The following LTA4H variants were observed in gnomAD, a reference collection of about 807,000 sequenced individuals.
LTA4H encodes the protein leukotriene A4 hydrolase, also known as leukotriene A-4 hydrolase.
A neutral mutation model predicts 89.8 loss-of-function variants in LTA4H; 59 were observed. The ratio of observed to expected loss-of-function variants is 0.66; its 90% confidence interval spans 0.53 to 0.82. The LOEUF (loss-of-function observed/expected upper bound fraction) is 0.82, where lower values mean the gene tolerates loss of function less well. LTA4H is among the 40% of genes least tolerant of loss of function. The pLI, the probability that LTA4H is intolerant of heterozygous loss-of-function variation, is 0.00. For missense variants in LTA4H, 617 were observed against 727.0 expected, an observed-to-expected ratio of 0.85 and a Z score of 1.74; for synonymous variants, 227 against 253.1, an observed-to-expected ratio of 0.90 and a Z score of 0.98.
intron 8 of LTA4H, among the ~76,000 whole-genome samples, chr12:96,018,097 T>C (rs775196684): frequency 1.2e-4 from 19 of 152,176 alleles, no homozygotes; most frequent in Non-Finnish European, 2.5e-4. Context: ...ATTTTTTTTT[T>C]AATTGTACCT....
chr12:96,035,585 G>A lies in LTA4H; in HGVS notation c.-66C>T. The A allele has an allele frequency of 1.3e-6, 2 of 1,517,236 alleles. No homozygotes were observed. The highest frequency in any genetic ancestry group is 4.9e-5 in the East Asian group (2 of 41,132). 94.0% of individuals were successfully genotyped at this position (1,517,236 alleles called of 1,614,324 possible). A position where few individuals can be genotyped will look rare whatever the true frequency, so the allele number is the denominator to read the frequency against. On this transcript the variant is annotated 5_prime_UTR_variant, in exon 1 of 19. Transcript: ENST00000228740. ...CGCTCAGCTACCAGACTCGTCGATA[G>A]AGAACCTGAGGAGGAGGGAGAGAGG...
intron 1 of LTA4H, 77 bp downstream of exon 1, chr12:96,035,284 C>T: frequency 2.1e-6 from 3 of 1,451,622 alleles, no homozygotes; most frequent in Non-Finnish European, 2.8e-6. Flanking sequence ...AGCCGGAGAT[C>T]CGGGAGCCCG....
Position 96,013,228 on chromosome 12 carries a change from CA to C in LTA4H, c.1338del (p.Asn446LysfsTer12). 6.2e-7 allele frequency: 1 copy of C among 1,613,672 alleles called. No homozygotes were observed. Among genetic ancestry groups the C allele is most frequent in the Non-Finnish European group, 8.5e-7 (1 of 1,179,708 alleles). On this transcript the variant is annotated frameshift_variant, in exon 14 of 19. Coordinates refer to ENST00000228740, the MANE Select transcript of LTA4H (RefSeq NM_000895.3). LOFTEE classifies it high-confidence loss of function. Reference sequence around the variant, plus strand: ...GGCAGTCCAGGAGAGTAGAGCCAGGCATTCCAATCAACTTGATTGAGAACAT... The same window carrying C: ...GGCAGTCCAGGAGAGTAGAGCCAGGCTTCCAATCAACTTGATTGAGAACAT... ...KVDVLNQVDW[N>X]AWLYSPGLPP...
chr12:96,015,921 C>T (rs1265941230), intron 10 of LTA4H, among the ~76,000 whole-genome samples: 2 of 152,168 alleles, frequency 1.3e-5, no homozygotes, highest in East Asian at 3.8e-4. Flanking sequence ...TCTTGCATGT[C>T]CCTATGTTAA....
chr12:96,039,617 C>T (rs936797360), upstream of LTA4H, among the ~76,000 whole-genome samples: 1 of 152,174 alleles, frequency 6.6e-6, no homozygotes, highest in Non-Finnish European at 1.5e-5. Context: ...GCTTTTAGGA[C>T]AACCTGGGAA....
At chr12:96,035,115 C>T (rs901469666) in intron 1 of LTA4H, among the ~76,000 whole-genome samples, 2 of 151,924 alleles carry the variant, frequency 1.3e-5, no homozygotes, top group Non-Finnish European at 2.9e-5. Context: ...AGGAGACATA[C>T]GTATAAGTGG....
chr12:96,023,672 G>A (rs1302500404), intron 4 of LTA4H, among the ~76,000 whole-genome samples: 1 of 152,114 alleles, frequency 6.6e-6, no homozygotes, highest in Non-Finnish European at 1.5e-5. Flanking sequence ...TCTAGCCTCC[G>A]GGATAGTGAT....
At chr12:96,018,228 T>C (rs1374644147) in intron 8 of LTA4H, among the ~76,000 whole-genome samples, 1 of 152,174 alleles carries the variant, frequency 6.6e-6, no homozygotes, top group African/African-American at 2.4e-5. Context: ...ATTCTCCTTC[T>C]CCAAATGGCC....
chr12:96,036,731 C>A (rs1469122462), upstream of LTA4H, among the ~76,000 whole-genome samples: 2 of 152,096 alleles, frequency 1.3e-5, no homozygotes, highest in African/African-American at 2.4e-5. Flanking sequence ...AGGTAGTAGT[C>A]TATATGAAGA....
At chr12:96,003,132 C>G (rs1035931870) in intron 17 of LTA4H, 68 bp from the exon 18 acceptor site, 4 of 931,554 alleles carry the variant, frequency 4.3e-6, no homozygotes, top group Non-Finnish European at 6.8e-6. Flanking sequence ...ACAGGTATAT[C>G]TTAATATTAC....
At chr12:96,013,147 T>A (rs773817494) in intron 14 of LTA4H, 41 bp downstream of exon 14, 5 of 1,454,796 alleles carry the variant, frequency 3.4e-6, no homozygotes, top group Non-Finnish European at 4.8e-6. Context: ...CTCTAGGAGT[T>A]AGGAGAATGA....
Position 96,035,574 on chromosome 12 carries a change from A to C in LTA4H, c.-55T>G. 6.5e-7 allele frequency: 1 copy of C among 1,532,572 alleles called. No homozygotes were observed. The highest frequency in any genetic ancestry group is 8.8e-7 in the Non-Finnish European group (1 of 1,130,608). The allele number at this position is 1,532,572 out of a possible 1,614,324, so 94.9% of individuals were successfully genotyped here. The stretch of plus-strand genomic sequence containing the variant: ...CTACAGCCCAACGCTCAGCTACCAG[A>C]CTCGTCGATAGAGAACCTGAGGAGG... On this transcript the variant is annotated 5_prime_UTR_variant, in exon 1 of 19. Transcript: ENST00000228740.
Position 96,001,157 on chromosome 12 carries a change from G to C in LTA4H, c.1719-51C>G, listed in dbSNP as rs909610754. 7.3e-6 allele frequency: 8 copies of C among 1,099,628 alleles called. No homozygotes were observed. In the African/African-American group the frequency reaches 1.2e-4, roughly 17 times the overall value. 68.1% of individuals were successfully genotyped at this position (1,099,628 alleles called of 1,614,324 possible). ...GAAAGAAAGGCGAGAAGGAGACAGA[G>C]GAGGAGAAAGGGAGGGAGAGAAGAA... On this transcript the variant is annotated intron_variant, in intron 18 of 18. Transcript: ENST00000228740.
upstream of LTA4H, among the ~76,000 whole-genome samples, chr12:96,037,137 G>T (rs564070602): frequency 2.6e-4 from 40 of 152,182 alleles, no homozygotes; most frequent in Non-Finnish European, 4.6e-4. Context: ...AGATTTAAGG[G>T]GAAGATGCTA....
chr12:96,026,923 T>C (rs1444683772), intron 3 of LTA4H, among the ~76,000 whole-genome samples: 1 of 152,216 alleles, frequency 6.6e-6, no homozygotes, highest in Non-Finnish European at 1.5e-5. Flanking sequence ...GTAGTTTAAG[T>C]CATGCAATTT....
intron 4 of LTA4H, among the ~76,000 whole-genome samples, chr12:96,023,595 A>T (rs541483342): frequency 6.6e-6 from 1 of 152,292 alleles, no homozygotes; most frequent in South Asian, 2.1e-4. Context: ...TTGTGGGATG[A>T]TTTGGGAAGC....
chr12:96,014,084 T>C (rs1192760620), intron 12 of LTA4H: 2 of 366,802 alleles, frequency 5.5e-6, no homozygotes, highest in Non-Finnish European at 9.7e-6. Flanking sequence ...ATTCTAATTA[T>C]AGGTAAGGGG....
rs1194434319 is a variant in LTA4H, at chr12:96,021,614, C to G, written c.586-477G>C. 2.6e-5 allele frequency among the ~76,000 whole-genome samples: 4 copies of G among 151,384 alleles called. No individual in the cohort carries two copies. The South Asian group carries it at 6.2e-4, about 24-fold the overall frequency. On this transcript the variant is annotated intron_variant, in intron 5 of 18. Coordinates refer to ENST00000228740, the MANE Select transcript of LTA4H (RefSeq NM_000895.3). The stretch of plus-strand genomic sequence containing the variant: ...ATGCCAAAGTTATGGGAGCTTGGAA[C>G]CACAGAAGCTGCAGTGGAAGTCAAA...
At chr12:96,021,273 T>C (rs1950449448) in intron 5 of LTA4H, 136 bp from the exon 6 acceptor site, 3 of 574,248 alleles carry the variant, frequency 5.2e-6, no homozygotes, top group South Asian at 5.9e-5. Flanking sequence ...ACTTTGCTTT[T>C]ATACTTCTCA....
Sources: gnomAD v4.1 joint callset for allele counts (sites outside exome capture counted in the v4.1 genomes callset) on GRCh38, gnomAD v4.1.1 for gene constraint, MANE v1.5 for transcripts, NCBI Gene and HGNC (gene_info 2026-07-23, HGNC 2026-07-21) for gene names.